The following PIGZ variants were observed in gnomAD, a reference collection of about 807,000 sequenced individuals.
PIGZ encodes phosphatidylinositol glycan anchor biosynthesis class Z (Gwada blood group).
PIGZ carries 16 observed loss-of-function variants against 16.4 expected under a neutral mutation model. The ratio of observed to expected loss-of-function variants is 0.97; its 90% CI spans 0.66 to 1.48. The LOEUF is 1.48. PIGZ is among the 40% of genes most tolerant of loss of function. PIGZ has a pLI of 0.00. For synonymous variants in PIGZ, 409 were observed against 338.4 expected (o/e 1.21, Z -2.29); for missense variants, 770 against 739.2 (o/e 1.04, Z -0.48).
At chr3:196,959,733 C>T (rs909298466) in intron 1 of PIGZ, among the ~76,000 whole-genome samples, 14 of 152,284 alleles carry the variant, frequency 9.2e-5, no homozygotes, top group African/African-American at 3.4e-4. Flanking sequence ...GGGGCTCTCG[C>T]CTCCTTGGCT....
chr3:196,961,251 T>TACGGGACAG (rs1717711551), intron 1 of PIGZ, among the ~76,000 whole-genome samples: 1 of 152,210 alleles, frequency 6.6e-6, no homozygotes, highest in South Asian at 2.1e-4. Context: ...ACTTTCCTGA[T>TACGGGACAG]ACGGGACAGA....
intron 1 of PIGZ, among the ~76,000 whole-genome samples, chr3:196,961,468 G>A (rs1034781020): frequency 6.6e-6 from 1 of 152,190 alleles, no homozygotes; most frequent in Admixed American, 6.5e-5. Flanking sequence ...ATGTTGCCAG[G>A]TGTGGTGGTG....
intron 1 of PIGZ, among the ~76,000 whole-genome samples, chr3:196,967,560 T>TTCCAGTCC (rs1177457189): frequency 6.6e-6 from 1 of 152,198 alleles, no homozygotes; most frequent in African/African-American, 2.4e-5. Flanking sequence ...TAAGATCTTG[T>TTCCAGTCC]TCCAGTCCTC....
rs546985792 is a variant in PIGZ, at chr3:196,948,369, G to A, written c.528C>T (p.Phe176=). 6 of 1,614,206 alleles carry A rather than the reference G, an allele frequency of 3.7e-6. No individual in the cohort carries two copies. In the African/African-American group the frequency reaches 5.3e-5, roughly 14 times the overall value. The change falls in exon 3 of 3, where the codon TTC becomes TTT. Residue 176 remains phenylalanine, a synonymous_variant. Transcript: ENST00000412723. ...YVTLVFYTRT[F]SNTIEGLLFT... ...AGAGGAGTCCCTCAATGGTGTTGGA[G>A]AAGGTCCTTGTGTAGAAGACCAGGG...
rs564479439 is a variant in PIGZ at position 196,964,007 on chromosome 3, G to A, written c.-1+4680C>T. Among the ~76,000 whole-genome samples, 3 of 151,550 alleles carry A rather than the reference G, an allele frequency of 2.0e-5. No individual in the cohort carries two copies. The South Asian group carries it at 6.2e-4, about 31-fold the overall frequency. Reference sequence around the variant, plus strand: ...AAGGAATAGTATAACAATAATAATAGCACTACCTTTTTTTATTTGTTTGCT... The same window carrying A: ...AAGGAATAGTATAACAATAATAATAACACTACCTTTTTTTATTTGTTTGCT... On this transcript the variant is annotated intron_variant, in intron 1 of 2. Transcript: ENST00000412723.
rs1184105953 is a variant in PIGZ, at chr3:196,948,834, C to CCTCCCTCT, written c.212-157_212-150dup. 1,420 of 431,230 alleles carry CCTCCCTCT rather than the reference C, an allele frequency of 3.3e-3. 51 individuals are homozygous for CCTCCCTCT. The highest frequency in any genetic ancestry group is 0.018 in the African/African-American group (830 of 47,326). The allele number at this position is 431,230 out of a possible 1,614,324, so 26.7% of individuals were successfully genotyped here. ...CACGGGCTGGATTTTTCCTCCCTTCCCTCCCTCTCTCCCTCCTTCTTTCCC... is the reference window on the plus strand; with the variant it reads ...CACGGGCTGGATTTTTCCTCCCTTCCCTCCCTCTCTCCCTCTCTCCCTCCTTCTTTCCC... On this transcript the variant is annotated intron_variant, in intron 2 of 2. Coordinates refer to ENST00000412723, the MANE Select transcript of PIGZ (RefSeq NM_025163.4).
chr3:196,951,137 G>T (rs1184044971), intron 2 of PIGZ, among the ~76,000 whole-genome samples: 1 of 152,172 alleles, frequency 6.6e-6, no homozygotes, highest in East Asian at 1.9e-4. Context: ...GATACATTCT[G>T]CCCAGTGTGA....
chr3:196,956,470 G>A (rs1354246900), intron 1 of PIGZ, among the ~76,000 whole-genome samples: 9 of 152,178 alleles, frequency 5.9e-5, no homozygotes, highest in Admixed American at 5.9e-4. Context: ...ACTACCACAA[G>A]AACAGTATGA....
intron 1 of PIGZ, among the ~76,000 whole-genome samples, chr3:196,966,635 A>G (rs1425386362): frequency 6.6e-6 from 1 of 152,172 alleles, no homozygotes; most frequent in Non-Finnish European, 1.5e-5. Context: ...ATCGACCATA[A>G]CAAATGCGGG....
chr3:196,959,537 A>G lies in PIGZ; in HGVS notation c.1-7506T>C, dbSNP rs1717625654. ...CTCTTTGGTTGACACCTTCCTTTCC[A>G]TTAATAAACACGTTCATCTCTCTAC... On this transcript the variant is annotated intron_variant, in intron 1 of 2. Coordinates refer to ENST00000412723, the MANE Select transcript of PIGZ (RefSeq NM_025163.4). 2.0e-5 allele frequency among the ~76,000 whole-genome samples: 3 copies of G among 151,982 alleles called. No individual in the cohort carries two copies. The South Asian group carries it at 6.2e-4, about 32-fold the overall frequency.
intron 1 of PIGZ, among the ~76,000 whole-genome samples, chr3:196,956,322 T>C (rs1413892245): frequency 6.6e-6 from 1 of 152,094 alleles, no homozygotes; most frequent in Non-Finnish European, 1.5e-5. Context: ...CTCACAATCA[T>C]GGTGGAAGGC....
chr3:196,963,100 C>T (rs879349674), intron 1 of PIGZ, among the ~76,000 whole-genome samples: 2 of 152,206 alleles, frequency 1.3e-5, no homozygotes, highest in East Asian at 1.9e-4. Flanking sequence ...AGAATGTTTT[C>T]GTGGTTCGTC....
intron 2 of PIGZ, among the ~76,000 whole-genome samples, chr3:196,949,706 G>C (rs1366728332): frequency 6.6e-6 from 1 of 152,196 alleles, no homozygotes; most frequent in Non-Finnish European, 1.5e-5. Context: ...GGGGAGCTCA[G>C]AGTGCAGAGG....
At chr3:196,954,694 T>G (rs1441171026) in intron 1 of PIGZ, among the ~76,000 whole-genome samples, 2 of 152,272 alleles carry the variant, frequency 1.3e-5, no homozygotes, top group Non-Finnish European at 2.9e-5. Context: ...TAGTATTAAC[T>G]GTACACTGCA....
intron 1 of PIGZ, among the ~76,000 whole-genome samples, chr3:196,956,006 A>T (rs1271423870): frequency 1.3e-5 from 2 of 151,204 alleles, no homozygotes; most frequent in Non-Finnish European, 2.9e-5. Flanking sequence ...TTTCTCTAAC[A>T]GTTTGGAAGT....
At chr3:196,961,575 C>G (rs900581194) in intron 1 of PIGZ, among the ~76,000 whole-genome samples, 4 of 152,030 alleles carry the variant, frequency 2.6e-5, no homozygotes, top group African/African-American at 9.7e-5. Flanking sequence ...AGACCCCCAT[C>G]TCTTAAAAGA....
At chr3:196,954,230 A>G (rs542864200) in intron 1 of PIGZ, among the ~76,000 whole-genome samples, 1 of 152,290 alleles carries the variant, frequency 6.6e-6, no homozygotes, top group African/African-American at 2.4e-5. Flanking sequence ...GGTTGTGGTG[A>G]GCTGAGATCA....
intron 1 of PIGZ, among the ~76,000 whole-genome samples, chr3:196,960,132 T>A (rs1181830924): frequency 6.6e-6 from 1 of 152,228 alleles, no homozygotes; most frequent in Non-Finnish European, 1.5e-5. Flanking sequence ...CAGGTGGCTT[T>A]ACAGTAGCCT....
At chr3:196,951,681 C>CAG (rs757772174) in intron 2 of PIGZ, 140 bp downstream of exon 2, 41 of 794,164 alleles carry the variant, frequency 5.2e-5, no homozygotes, top group Non-Finnish European at 8.4e-5. Flanking sequence ...GTTCTTACCC[C>CAG]AGAGAGAGAG....
Sources: gnomAD v4.1 joint callset for allele counts (sites outside exome capture counted in the v4.1 genomes callset) on GRCh38, gnomAD v4.1.1 for gene constraint, MANE v1.5 for transcripts, NCBI Gene and HGNC (gene_info 2026-07-23, HGNC 2026-07-21) for gene names.